TTC23: variants seen among roughly 807,000 people sequenced by gnomAD.
The protein encoded by TTC23 is tetratricopeptide repeat domain 23.
In TTC23, 58 loss-of-function variants were observed where a neutral mutation model predicts 55.1. The observed-to-expected ratio is 1.05, with a 90% CI of 0.85 to 1.31. The LOEUF is 1.31. Among genes scored for constraint, TTC23 ranks in the 50% most tolerant of loss-of-function variants. The probability of loss-of-function intolerance (pLI) is 0.00; values close to 1 mark genes in which losing one functional copy is unlikely to be tolerated. For synonymous variants in TTC23, 203 were observed against 199.9 expected, an observed-to-expected ratio of 1.02 and a Z score of -0.13; for missense variants, 516 against 534.4, an observed-to-expected ratio of 0.97 and a Z score of 0.34.
intron 9 of TTC23, among the ~76,000 whole-genome samples, chr15:99,192,922 TCA>T: frequency 1.3e-5 from 2 of 152,220 alleles, no homozygotes; most frequent in African/African-American, 4.8e-5. Flanking sequence ...ACTTCTTGCA[TCA>T]GCATGACCTG....
In TTC23 at chr15:99,229,488, G is replaced by A. The variant is rs1289226547; in HGVS notation, c.-20-756C>T. Among the ~76,000 whole-genome samples the A allele has an allele frequency of 4.6e-5, 7 of 152,136 alleles. No individual in the cohort carries two copies. In the East Asian group the frequency reaches 9.6e-4, roughly 21 times the overall value. On this transcript the variant is annotated intron_variant, in intron 4 of 13. Transcript: ENST00000394132. ...TCCAGGAAACAGCACAGGGAAGAGG[G>A]GACCCAGAAGTTATCCCAGTGGACT...
intron 4 of TTC23, among the ~76,000 whole-genome samples, chr15:99,230,431 CAT>C (rs1332056833): frequency 5.9e-5 from 9 of 152,040 alleles, no homozygotes; most frequent in African/African-American, 1.4e-4. Context: ...GGACAGAAAA[CAT>C]ATTTGAAGAA....
chr15:99,217,066 A>C lies in TTC23; in HGVS notation c.581+1522T>G, dbSNP rs1413626088. On this transcript the variant is annotated intron_variant, in intron 8 of 13. Transcript: ENST00000394132. ...ATACAGGAACCAGAAGCAATGAACT[A>C]AAATCCAGGCAACAACCAAAACGTG... Among the ~76,000 whole-genome samples, 9 of 152,360 alleles carry C rather than the reference A, an allele frequency of 5.9e-5. No individual in the cohort carries two copies. The South Asian group carries it at 1.7e-3, about 28-fold the overall frequency.
chr15:99,143,936 C>A (rs1415846680), intron 12 of TTC23, among the ~76,000 whole-genome samples: 1 of 152,158 alleles, frequency 6.6e-6, no homozygotes, highest in East Asian at 1.9e-4. Context: ...AGCCTGTAGA[C>A]TCCTTAAGAC....
intron 5 of TTC23, among the ~76,000 whole-genome samples, chr15:99,222,401 T>C (rs1457310670): frequency 6.6e-6 from 1 of 152,166 alleles, no homozygotes; most frequent in Non-Finnish European, 1.5e-5. Flanking sequence ...CTCAGCCTCC[T>C]GAGCAGCTGG....
intron 9 of TTC23, among the ~76,000 whole-genome samples, chr15:99,195,481 T>G (rs909738220): frequency 6.6e-6 from 1 of 152,176 alleles, no homozygotes; most frequent in African/African-American, 2.4e-5. Flanking sequence ...ACAGAAACTC[T>G]CGTTCATTGC....
intron 9 of TTC23, among the ~76,000 whole-genome samples, chr15:99,187,793 T>A (rs1352653281): frequency 6.6e-6 from 1 of 152,028 alleles, no homozygotes; most frequent in Non-Finnish European, 1.5e-5. Flanking sequence ...CAATGAGATA[T>A]CACTTCATAC....
chr15:99,168,864 G>A (rs548095116), intron 10 of TTC23, among the ~76,000 whole-genome samples: 1 of 152,154 alleles, frequency 6.6e-6, no homozygotes, highest in South Asian at 2.1e-4. Context: ...CCTCAGCAGC[G>A]TGGGGTGGGG....
intron 6 of TTC23, among the ~76,000 whole-genome samples, chr15:99,221,461 C>A (rs2077919073): frequency 6.6e-6 from 1 of 151,998 alleles, no homozygotes; most frequent in Non-Finnish European, 1.5e-5. Context: ...AGTCTTCTGG[C>A]CCAACAGATT....
At chr15:99,225,867 T>C (rs2078361140) in intron 5 of TTC23, among the ~76,000 whole-genome samples, 1 of 152,200 alleles carries the variant, frequency 6.6e-6, no homozygotes. Context: ...GACAGCACCT[T>C]AACCAAGTGT....
At chr15:99,183,497 A>ATTTT (rs56660145) in intron 9 of TTC23, among the ~76,000 whole-genome samples, 1 of 100,856 alleles carries the variant, frequency 9.9e-6, no homozygotes, top group Non-Finnish European at 2.0e-5. Context: ...GATTTTTTGT[A>ATTTT]TTTTTTTTTT....
chr15:99,146,903 A>AG (rs1482128187), intron 12 of TTC23, among the ~76,000 whole-genome samples: 1 of 152,202 alleles, frequency 6.6e-6, no homozygotes, highest in Non-Finnish European at 1.5e-5. Context: ...ATAGTGGGCA[A>AG]GGGGGGCTCC....
intron 9 of TTC23, among the ~76,000 whole-genome samples, chr15:99,176,896 T>C (rs2073625294): frequency 6.6e-6 from 1 of 152,142 alleles, no homozygotes; most frequent in Non-Finnish European, 1.5e-5. Flanking sequence ...AGTGCTGCCA[T>C]TCCCCCCACC....
intron 4 of TTC23, among the ~76,000 whole-genome samples, chr15:99,233,557 G>A (rs953322059): frequency 1.3e-5 from 2 of 152,126 alleles, no homozygotes; most frequent in African/African-American, 4.8e-5. Flanking sequence ...TATTCCTGAT[G>A]AAAATTCTTA....
At chr15:99,147,647 A>G (rs2069110716) in intron 12 of TTC23, among the ~76,000 whole-genome samples, 1 of 152,206 alleles carries the variant, frequency 6.6e-6, no homozygotes, top group Admixed American at 6.5e-5. Flanking sequence ...AGAGTCTTTA[A>G]GCACACTTCT....
chr15:99,243,599 C>T (rs1206098214), intron 2 of TTC23, among the ~76,000 whole-genome samples: 3 of 152,148 alleles, frequency 2.0e-5, no homozygotes, highest in Non-Finnish European at 4.4e-5. Flanking sequence ...AAATGTTCAT[C>T]AACACATGAA....
At chr15:99,237,168 G>C (rs2079393508) in intron 3 of TTC23, among the ~76,000 whole-genome samples, 1 of 152,020 alleles carries the variant, frequency 6.6e-6, no homozygotes, top group Non-Finnish European at 1.5e-5. Context: ...TTTTAGTAGA[G>C]ACGGGGTTTC....
rs2073906499 is a variant in TTC23, at chr15:99,179,348, C to T, written c.760-4193G>A. Among the ~76,000 whole-genome samples the T allele has an allele frequency of 2.0e-5, 3 of 152,206 alleles. No individual in the cohort carries two copies. In the South Asian group the frequency reaches 6.2e-4, roughly 32 times the overall value. ...GCACATCTACTCCACCGCCCCCTGA[C>T]ATTCTCACTAGTCATCCAACCCTCC... On this transcript the variant is annotated intron_variant, in intron 9 of 13. Coordinates refer to ENST00000394132, the MANE Select transcript of TTC23 (RefSeq NM_001288615.3).
rs567877192 is a variant in TTC23, at chr15:99,202,614, G to A, written c.582-2518C>T. 1.9e-4 allele frequency among the ~76,000 whole-genome samples: 29 copies of A among 152,304 alleles called. 1 individual carries two copies. The South Asian group carries it at 4.8e-3, about 25-fold the overall frequency. On this transcript the variant is annotated intron_variant, in intron 8 of 13. Coordinates refer to ENST00000394132, the MANE Select transcript of TTC23 (RefSeq NM_001288615.3). ...AATAGGTGAAGACCACGGAAAACTT[G>A]TAGCCACCTACTAGCTATCTCAGCC...
Sources: allele counts gnomAD v4.1 joint callset (sites outside exome capture counted in the v4.1 genomes callset), GRCh38; gene constraint gnomAD v4.1.1; transcripts MANE v1.5; gene names NCBI Gene and HGNC (gene_info 2026-07-23, HGNC 2026-07-21).